The following ANKRD44 variants were observed in gnomAD, a reference collection of about 807,000 sequenced individuals.
ANKRD44 encodes the protein ankyrin repeat domain 44, also known as serine/threonine-protein phosphatase 6 regulatory ankyrin repeat subunit B.
ANKRD44 carries 35 observed loss-of-function variants against 116.0 expected under a neutral mutation model. The observed-to-expected ratio is 0.30, with a 90% CI of 0.23 to 0.40. ANKRD44 has a LOEUF of 0.40. Among genes scored for constraint, ANKRD44 ranks in the 10% least tolerant of loss-of-function variants. ANKRD44 has a pLI of 1.00. For missense variants in ANKRD44, 1,014 were observed against 1,242.6 expected (o/e 0.82, Z 2.77); for synonymous variants, 435 against 461.8 (o/e 0.94, Z 0.74).
intron 2 of ANKRD44, among the ~76,000 whole-genome samples, chr2:197,170,007 T>C (rs553084174): frequency 1.2e-4 from 19 of 152,110 alleles, no homozygotes; most frequent in Middle Eastern, 3.4e-3. Flanking sequence ...CTGGGCAACA[T>C]GGCAAAACCC....
chr2:197,191,583 T>G (rs2080824148), intron 1 of ANKRD44, among the ~76,000 whole-genome samples: 1 of 152,150 alleles, frequency 6.6e-6, no homozygotes, highest in Admixed American at 6.5e-5. Context: ...AAATCAAATA[T>G]GTACTAGGGA....
chr2:196,998,923 C>T lies in ANKRD44; in HGVS notation c.2649G>A (p.Gly883=), dbSNP rs773742876. The T allele has an allele frequency of 6.2e-7, 1 of 1,614,184 alleles. No individual in the cohort carries two copies. The highest frequency in any genetic ancestry group is 8.5e-7 in the Non-Finnish European group (1 of 1,180,006). Residue 883 remains glycine (G), a synonymous_variant, in exon 24 of 28, where the codon GGG becomes GGA. Coordinates refer to ENST00000282272, the MANE Select transcript of ANKRD44 (RefSeq NM_001195144.2). ...AGCACATACCCACAGCGCCTGCCTGCCCATTCTCAGCAGCCATCATCAGTG... is the reference window on the plus strand; with the variant it reads ...AGCACATACCCACAGCGCCTGCCTGTCCATTCTCAGCAGCCATCATCAGTG... ...KTALMMAAEN[G]QAGAVDILVN... is the part of the protein sequence containing the mutation.
chr2:197,048,195 AT>A (rs928659506), intron 16 of ANKRD44, among the ~76,000 whole-genome samples: 6 of 151,844 alleles, frequency 4.0e-5, no homozygotes, highest in East Asian at 1.9e-4. Flanking sequence ...TATTCATTGT[AT>A]TTTTTTATTA....
At chr2:197,078,520 TG>T in intron 16 of ANKRD44, 182 bp downstream of exon 16, 1 of 1,429,946 alleles carries the variant, frequency 7.0e-7, no homozygotes, top group Middle Eastern at 2.1e-4. Flanking sequence ...TAACCTGCAA[TG>T]GAAGGCAGCA....
intron 4 of ANKRD44, among the ~76,000 whole-genome samples, chr2:197,132,076 T>C (rs973731629): frequency 6.6e-6 from 1 of 152,218 alleles, no homozygotes; most frequent in African/African-American, 2.4e-5. Flanking sequence ...AGAGCCTCTC[T>C]TCATTTCTTC....
chr2:197,258,771 A>G (rs1158576998), intron 1 of ANKRD44, among the ~76,000 whole-genome samples: 2 of 152,226 alleles, frequency 1.3e-5, no homozygotes, highest in African/African-American at 4.8e-5. Flanking sequence ...GTTTTCAGAT[A>G]GTCACACTGA....
At position 197,077,069 on chromosome 2, in the gene ANKRD44, G is replaced by T. The variant is rs578022640; in HGVS notation, c.1650+1634C>A. Among the ~76,000 whole-genome samples, 25 of 152,324 alleles carry T rather than the reference G, an allele frequency of 1.6e-4. No individual in the cohort carries two copies. The South Asian group carries it at 5.0e-3, about 30-fold the overall frequency. On this transcript the variant is annotated intron_variant, in intron 16 of 27. Coordinates refer to ENST00000282272, the MANE Select transcript of ANKRD44 (RefSeq NM_001195144.2). ...ATGATAGTTTTGCTTTTAGGTCTTT[G>T]AGGAATTGCCACAGTGCCTTCCACA...
intron 1 of ANKRD44, among the ~76,000 whole-genome samples, chr2:197,235,716 A>G (rs1419110055): frequency 6.6e-6 from 1 of 151,696 alleles, no homozygotes; most frequent in Non-Finnish European, 1.5e-5. Context: ...CAAATATTAT[A>G]CAATACAAAT....
chr2:197,308,471 G>A (rs545571073), intron 1 of ANKRD44, among the ~76,000 whole-genome samples: 8 of 152,258 alleles, frequency 5.3e-5, no homozygotes, highest in South Asian at 4.1e-4. Context: ...AGAAACCATC[G>A]TTGTTCACCA....
chr2:197,287,268 A>T (rs1421416435), intron 1 of ANKRD44, among the ~76,000 whole-genome samples: 1 of 152,170 alleles, frequency 6.6e-6, no homozygotes, highest in East Asian at 1.9e-4. Context: ...TCTATTTTTT[A>T]AAAAAGTATA....
At chr2:197,025,730 G>C (rs1375774259) in intron 16 of ANKRD44, among the ~76,000 whole-genome samples, 3 of 152,234 alleles carry the variant, frequency 2.0e-5, no homozygotes, top group Non-Finnish European at 4.4e-5. Context: ...TGACTGACAG[G>C]CTGCTTTACA....
At chr2:197,042,051 G>T (rs1290460322) in intron 16 of ANKRD44, among the ~76,000 whole-genome samples, 1 of 151,606 alleles carries the variant, frequency 6.6e-6, no homozygotes, top group African/African-American at 2.4e-5. Context: ...ATTTTAAGAA[G>T]ACAAAAGCCT....
intron 2 of ANKRD44, among the ~76,000 whole-genome samples, chr2:197,167,854 T>C (rs1472159474): frequency 6.6e-6 from 1 of 152,246 alleles, no homozygotes; most frequent in Non-Finnish European, 1.5e-5. Flanking sequence ...TACCATACTC[T>C]TCTTCCCTAA....
At chr2:197,136,392 A>AC in intron 4 of ANKRD44, 200 bp downstream of exon 4, 2 of 604,152 alleles carry the variant, frequency 3.3e-6, no homozygotes, top group Non-Finnish European at 5.9e-6. Context: ...ATGTTGAACT[A>AC]CCCCAGATAC....
chr2:197,133,273 G>C (rs1415773041), intron 4 of ANKRD44, among the ~76,000 whole-genome samples: 1 of 152,164 alleles, frequency 6.6e-6, no homozygotes, highest in Non-Finnish European at 1.5e-5. Context: ...GGCAGTGTTA[G>C]ACAGACCTCA....
chr2:197,093,385 A>G (rs1373836589), intron 10 of ANKRD44, among the ~76,000 whole-genome samples: 4 of 152,182 alleles, frequency 2.6e-5, no homozygotes, highest in African/African-American at 9.7e-5. Context: ...TCTTTGTATA[A>G]TTCATCAAAC....
Position 197,184,631 on chromosome 2 carries a change from C to A in ANKRD44, c.111+2392G>T, listed in dbSNP as rs552934110. Among the ~76,000 whole-genome samples, 17 of 99,554 alleles carry A rather than the reference C, an allele frequency of 1.7e-4. No homozygotes were observed. In the East Asian group the frequency reaches 5.0e-3, roughly 29 times the overall value. 65.3% of individuals were successfully genotyped at this position (99,554 alleles called of 152,430 possible). Reference sequence around the variant, plus strand: ...CTCCAGCCTGGGCAGCTGAGCGAGACTCCATCTCAAAAAAAAAAAAAAAAA... The same window carrying A: ...CTCCAGCCTGGGCAGCTGAGCGAGAATCCATCTCAAAAAAAAAAAAAAAAA... On this transcript the variant is annotated intron_variant, in intron 2 of 27. Transcript: ENST00000282272.
intron 17 of ANKRD44, among the ~76,000 whole-genome samples, chr2:197,018,725 A>G (rs1239199329): frequency 6.6e-6 from 1 of 152,220 alleles, no homozygotes; most frequent in African/African-American, 2.4e-5. Context: ...TAGACACTCA[A>G]TACTTACTTG....
intron 17 of ANKRD44, chr2:197,015,709 AC>A: frequency 1.9e-6 from 1 of 540,310 alleles, no homozygotes. Context: ...TGATGGTGGC[AC>A]CTATGATGGT....
Sources: gnomAD v4.1 joint callset for allele counts (sites outside exome capture counted in the v4.1 genomes callset) on GRCh38, gnomAD v4.1.1 for gene constraint, MANE v1.5 for transcripts, NCBI Gene and HGNC (gene_info 2026-07-23, HGNC 2026-07-21) for gene names.